The following HNMT variants were observed in gnomAD, a reference collection of about 807,000 sequenced individuals.
The protein encoded by HNMT is histamine N-methyltransferase.
A neutral mutation model predicts 32.1 loss-of-function variants in HNMT; 30 were observed. That is an observed-to-expected ratio of 0.93 (90% CI 0.70 to 1.27). The LOEUF is 1.27. Ranked by LOEUF, HNMT falls within the 50% of genes most tolerant of loss-of-function variation. The pLI is 0.00. For missense variants in HNMT, 327 were observed against 346.0 expected (o/e 0.95, Z 0.43); for synonymous variants, 125 against 119.0 (o/e 1.05, Z -0.33).
intron 2 of HNMT, among the ~76,000 whole-genome samples, chr2:138,000,225 T>A (rs1681119355): frequency 6.6e-6 from 1 of 152,068 alleles, no homozygotes; most frequent in Admixed American, 6.6e-5. Context: ...CTGGGCTAAC[T>A]CCCACTTACC....
chr2:137,972,067 G>A (rs1325670776), intron 2 of HNMT, among the ~76,000 whole-genome samples: 1 of 151,974 alleles, frequency 6.6e-6, no homozygotes, highest in East Asian at 1.9e-4. Flanking sequence ...ATAACTAAGA[G>A]CTCTCTAATG....
At chr2:137,985,241 C>G (rs1320797333) in intron 2 of HNMT, among the ~76,000 whole-genome samples, 1 of 151,912 alleles carries the variant, frequency 6.6e-6, no homozygotes, top group Admixed American at 6.6e-5. Flanking sequence ...TAAAACTGCT[C>G]TAACTCCATC....
At chr2:138,006,944 A>G (rs1212942550) in intron 5 of HNMT, among the ~76,000 whole-genome samples, 1 of 152,074 alleles carries the variant, frequency 6.6e-6, no homozygotes, top group African/African-American at 2.4e-5. Flanking sequence ...TTTTAGTCAA[A>G]AATTATTTAA....
chr2:137,984,579 G>C (rs76275549), intron 2 of HNMT, among the ~76,000 whole-genome samples: 234 of 152,286 alleles, frequency 1.5e-3, no homozygotes, highest in Middle Eastern at 6.8e-3. Flanking sequence ...ATGATTGAAA[G>C]AAAGACATTA....
At chr2:137,985,653 T>A (rs1282523932) in intron 2 of HNMT, among the ~76,000 whole-genome samples, 2 of 152,216 alleles carry the variant, frequency 1.3e-5, no homozygotes, top group Admixed American at 6.5e-5. Context: ...AATTTCATTT[T>A]GTAGCCTCTT....
intron 2 of HNMT, among the ~76,000 whole-genome samples, chr2:137,975,337 G>C (rs1355181236): frequency 6.6e-6 from 1 of 152,088 alleles, no homozygotes; most frequent in Non-Finnish European, 1.5e-5. Context: ...ACTTTCTTGT[G>C]AGGGTTTGAT....
At chr2:137,981,245 C>T (rs1277178166) in intron 2 of HNMT, 1 of 1,613,450 alleles carries the variant, frequency 6.2e-7, no homozygotes, top group Non-Finnish European at 8.5e-7. Context: ...CTCCAGGGTT[C>T]TCAAGCGGAA....
At chr2:137,982,447 A>G (rs1680531218) in intron 2 of HNMT, among the ~76,000 whole-genome samples, 1 of 152,232 alleles carries the variant, frequency 6.6e-6, no homozygotes, top group South Asian at 2.1e-4. Flanking sequence ...TAAGTAAAAT[A>G]CTCAACATAG....
At chr2:137,999,919 A>C (rs200453901) in intron 2 of HNMT, among the ~76,000 whole-genome samples, 1 of 366 alleles carries the variant, frequency 2.7e-3, no homozygotes. Flanking sequence ...TTTTTCTAAT[A>C]AAAAAAAAAA....
In HNMT at chr2:138,015,898, C is replaced by T. The variant is rs1270958045; in HGVS notation, c.*1768C>T. ...GTGTTTGTAAATATGGCCTTTTTCT[C>T]GTCCTTATTAAACCCTTAGTATACA... On this transcript the variant is annotated 3_prime_UTR_variant, in exon 6 of 6. Transcript: ENST00000280097. 2 of 152,138 alleles carry T rather than the reference C, an allele frequency of 1.3e-5. No homozygotes were observed. Among genetic ancestry groups the T allele is most frequent in the East Asian group, 1.9e-4 (1 of 5,196 alleles). The allele number at this position is 152,138 out of a possible 1,614,324, so 9.4% of individuals were successfully genotyped here.
intron 4 of HNMT, among the ~76,000 whole-genome samples, chr2:138,004,914 T>C (rs1681285183): frequency 6.6e-6 from 1 of 152,100 alleles, no homozygotes; most frequent in African/African-American, 2.4e-5. Flanking sequence ...CATTTGACTC[T>C]AGTCGAACAA....
chr2:138,008,717 A>G (rs1681406016), intron 5 of HNMT, among the ~76,000 whole-genome samples: 1 of 152,086 alleles, frequency 6.6e-6, no homozygotes, highest in African/African-American at 2.4e-5. Context: ...ATAACTGGCT[A>G]GCCATATGCA....
chr2:137,969,227 A>G (rs1380034963), intron 1 of HNMT, among the ~76,000 whole-genome samples: 1 of 152,074 alleles, frequency 6.6e-6, no homozygotes, highest in African/African-American at 2.4e-5. Context: ...TTCACAATCC[A>G]GTGATCTTTA....
At chr2:137,981,227 CG>C in intron 2 of HNMT, 2 of 1,613,236 alleles carry the variant, frequency 1.2e-6, no homozygotes, top group Non-Finnish European at 1.7e-6. Context: ...TTGTCTCATT[CG>C]GGGAAGCTCC....
chr2:137,968,454 T>C (rs1220116088), intron 1 of HNMT, among the ~76,000 whole-genome samples: 2 of 152,194 alleles, frequency 1.3e-5, no homozygotes, highest in Non-Finnish European at 2.9e-5. Context: ...CTAAGAGATT[T>C]GCATGAATTA....
At chr2:137,986,384 T>C (rs1336110254) in intron 2 of HNMT, among the ~76,000 whole-genome samples, 2 of 152,094 alleles carry the variant, frequency 1.3e-5, no homozygotes, top group African/African-American at 4.8e-5. Flanking sequence ...TGGTGTAAGT[T>C]CTAGTCTCAA....
intron 2 of HNMT, among the ~76,000 whole-genome samples, chr2:137,971,764 T>A (rs1307947506): frequency 6.6e-6 from 1 of 151,914 alleles, no homozygotes; most frequent in Non-Finnish European, 1.5e-5. Flanking sequence ...AAGTTTCATC[T>A]CAAGACTTTT....
chr2:138,010,277 C>T (rs1441815114), intron 5 of HNMT, among the ~76,000 whole-genome samples: 1 of 151,666 alleles, frequency 6.6e-6, no homozygotes, highest in Non-Finnish European at 1.5e-5. Context: ...ATTATTTCTG[C>T]CTTATGATAT....
In HNMT at chr2:138,002,081, T is replaced by G; in HGVS notation, c.316T>G (p.Ser106Ala). ...AKYKELVAKT[S>A]NLENVKFAWH... ...TATTTTAGAGCTTGTAGCCAAGACA[T>G]CGAACCTCGAGAACGTAAAGTTTGC... The change falls in exon 4 of 6, where the codon TCG (serine) becomes GCG (alanine). Residue 106 changes from serine (S) to alanine (A), a missense_variant. Ser to Ala is a moderately conservative substitution (Grantham distance 99, BLOSUM62 1). Coordinates refer to ENST00000280097, the MANE Select transcript of HNMT (RefSeq NM_006895.3). 6.3e-7 allele frequency: 1 copy of G among 1,590,066 alleles called. No individual in the cohort carries two copies. The highest frequency in any genetic ancestry group is 8.5e-7 in the Non-Finnish European group (1 of 1,169,914).
Sources: allele counts gnomAD v4.1 joint callset (sites outside exome capture counted in the v4.1 genomes callset), GRCh38; gene constraint gnomAD v4.1.1; transcripts MANE v1.5; gene names NCBI Gene and HGNC (gene_info 2026-07-23, HGNC 2026-07-21).